LDLRAD4: variants seen among roughly 807,000 people sequenced by gnomAD.
LDLRAD4 encodes the protein low density lipoprotein receptor class A domain containing 4, also known as low-density lipoprotein receptor class A domain-containing protein 4.
LDLRAD4 carries 5 observed loss-of-function variants against 17.0 expected under a neutral mutation model. The ratio of observed to expected loss-of-function variants is 0.29; its 90% CI spans 0.15 to 0.62. The LOEUF (loss-of-function observed/expected upper bound fraction) is 0.62. Among genes scored for constraint, LDLRAD4 ranks in the 20% least tolerant of loss-of-function variants. The probability of loss-of-function intolerance (pLI) is 0.84; values close to 1 mark genes in which losing one functional copy is unlikely to be tolerated. For synonymous variants in LDLRAD4, 168 were observed against 171.8 expected, an observed-to-expected ratio of 0.98 and a Z score of 0.17; for missense variants, 340 against 424.7, an observed-to-expected ratio of 0.80 and a Z score of 1.75.
chr18:13,515,197 A>G (rs917229413), intron 3 of LDLRAD4: 4 of 152,220 alleles, frequency 2.6e-5, no homozygotes, highest in Middle Eastern at 3.2e-3. Context: ...CTTGTGCACA[A>G]CACTGGCGTG....
chr18:13,493,539 A>G (rs923480290), intron 3 of LDLRAD4, among the ~76,000 whole-genome samples: 1 of 152,202 alleles, frequency 6.6e-6, no homozygotes, highest in Non-Finnish European at 1.5e-5. Flanking sequence ...TGGTGTTGCT[A>G]AGGTTCTGAG....
At chr18:13,231,794 G>A (rs1010747769) in intron 1 of LDLRAD4, among the ~76,000 whole-genome samples, 1 of 152,202 alleles carries the variant, frequency 6.6e-6, no homozygotes, top group African/African-American at 2.4e-5. Context: ...TCAATGAAAT[G>A]TACATAGAAG....
chr18:13,295,173 A>G (rs903602393), intron 1 of LDLRAD4, among the ~76,000 whole-genome samples: 1 of 152,230 alleles, frequency 6.6e-6, no homozygotes, highest in Non-Finnish European at 1.5e-5. Context: ...GCATCTGGAC[A>G]TTGTAGAAAC....
At chr18:13,524,618 AC>A (rs901040489) in intron 3 of LDLRAD4, among the ~76,000 whole-genome samples, 3 of 152,158 alleles carry the variant, frequency 2.0e-5, no homozygotes, top group African/African-American at 7.2e-5. Flanking sequence ...TCAAACAATA[AC>A]CATTTATTAT....
chr18:13,619,363 C>A (rs189381346), intron 3 of LDLRAD4, among the ~76,000 whole-genome samples: 47 of 152,142 alleles, frequency 3.1e-4, no homozygotes, highest in South Asian at 8.3e-4. Flanking sequence ...AGAAATAAGG[C>A]CACTTTTCTA....
At position 13,300,438 on chromosome 18, in the gene LDLRAD4, C is replaced by CG. The variant is rs1430795048; in HGVS notation, c.-383+22254dup. Among the ~76,000 whole-genome samples, 1 of 152,202 alleles carries CG rather than the reference C, an allele frequency of 6.6e-6. No homozygotes were observed. Among genetic ancestry groups the CG allele is most frequent in the Non-Finnish European group, 1.5e-5 (1 of 68,032 alleles). ...TTTTTTCCCAAGGACATGACATTCG[C>CG]GGGGTCAGCCATGACTGCTGCCCCA... On this transcript the variant is annotated intron_variant, in intron 1 of 5. Coordinates refer to ENST00000359446, the Ensembl canonical transcript of LDLRAD4. The surrounding 1 kb of genome is among the most constrained non-coding windows in gnomAD (Gnocchi z 4.2).
At chr18:13,348,877 C>T (rs962612440) in intron 1 of LDLRAD4, among the ~76,000 whole-genome samples, 5 of 152,294 alleles carry the variant, frequency 3.3e-5, no homozygotes, top group East Asian at 1.9e-4. Flanking sequence ...GAGCCAGGCA[C>T]GGGATATAAT....
intron 1 of LDLRAD4, among the ~76,000 whole-genome samples, chr18:13,246,751 G>C (rs981530034): frequency 6.6e-6 from 1 of 152,156 alleles, no homozygotes; most frequent in African/African-American, 2.4e-5. Context: ...CTCCTGTTGC[G>C]ACATTTAGCA....
intron 1 of LDLRAD4, among the ~76,000 whole-genome samples, chr18:13,243,396 A>G (rs2042765660): frequency 6.6e-6 from 1 of 152,088 alleles, no homozygotes; most frequent in Non-Finnish European, 1.5e-5. Context: ...ATCAGCATCC[A>G]CCCATCCACC....
intron 1 of LDLRAD4, among the ~76,000 whole-genome samples, chr18:13,254,738 G>A (rs1438228631): frequency 1.3e-5 from 2 of 152,228 alleles, no homozygotes; most frequent in Admixed American, 1.3e-4. Flanking sequence ...TGAGGCAGGA[G>A]GATCATTTGA....
chr18:13,560,863 CTTGGAAGGGCTT>C (rs2094533200), intron 3 of LDLRAD4, among the ~76,000 whole-genome samples: 1 of 152,334 alleles, frequency 6.6e-6, no homozygotes, highest in South Asian at 2.1e-4. Flanking sequence ...TGAAATGACT[CTTGGAAGGGCTT>C]GCAGGTGACC....
chr18:13,448,785 G>A lies in LDLRAD4; in HGVS notation c.181+10401G>A, dbSNP rs73956412. On this transcript the variant is annotated intron_variant, in intron 3 of 5. Coordinates refer to ENST00000359446, the Ensembl canonical transcript of LDLRAD4. ...AAAAAATTATCCAAAAGGGTACTACGGTGAAACTTGGAAGGGACCATCTTT... is the reference window on the plus strand; with the variant it reads ...AAAAAATTATCCAAAAGGGTACTACAGTGAAACTTGGAAGGGACCATCTTT... 9.7e-3 allele frequency among the ~76,000 whole-genome samples: 1,471 copies of A among 152,214 alleles called. 23 individuals are homozygous for A. Among genetic ancestry groups the A allele is most frequent in the African/African-American group, 0.034 (1,407 of 41,546 alleles).
intron 1 of LDLRAD4, among the ~76,000 whole-genome samples, chr18:13,232,049 T>G (rs938074050): frequency 3.3e-5 from 5 of 152,190 alleles, no homozygotes; most frequent in Non-Finnish European, 7.3e-5. Flanking sequence ...CACTAAAAAC[T>G]GAATTCGAAG....
At chr18:13,229,365 C>T (rs1209673789) in intron 1 of LDLRAD4, among the ~76,000 whole-genome samples, 9 of 152,182 alleles carry the variant, frequency 5.9e-5, no homozygotes, top group Non-Finnish European at 7.3e-5. Context: ...GTTTGCCCAC[C>T]TTGTAGGTTT....
At chr18:13,443,037 C>T (rs2091136551) in intron 3 of LDLRAD4, among the ~76,000 whole-genome samples, 1 of 152,068 alleles carries the variant, frequency 6.6e-6, no homozygotes, top group African/African-American at 2.4e-5. Context: ...ATATAGAGAC[C>T]TCATCAAACT....
At chr18:13,455,873 C>A (rs1030494731) in intron 3 of LDLRAD4, among the ~76,000 whole-genome samples, 1 of 152,182 alleles carries the variant, frequency 6.6e-6, no homozygotes, top group African/African-American at 2.4e-5. Flanking sequence ...ATGAAGAAAG[C>A]AAACATTTAA....
intron 1 of LDLRAD4, among the ~76,000 whole-genome samples, chr18:13,323,931 T>C (rs2081377952): frequency 2.7e-4 from 3 of 10,986 alleles, no homozygotes; most frequent in Admixed American, 1.8e-3. Flanking sequence ...CCGGGTGTGG[T>C]GTCACTGCCT....
rs528353574 is a variant in LDLRAD4, at chr18:13,437,748, A to T, written c.41-496A>T. On this transcript the variant is annotated intron_variant, in intron 2 of 5. Transcript: ENST00000359446. The stretch of plus-strand genomic sequence containing the variant: ...CAGAGAGGTGAAATATGTTGTCCAG[A>T]TTCTCACCACAGGACAGTGGCAAGT... 1.9e-4 allele frequency among the ~76,000 whole-genome samples: 29 copies of T among 152,360 alleles called. No individual in the cohort carries two copies. In the South Asian group the frequency reaches 5.8e-3, roughly 30 times the overall value.
intron 2 of LDLRAD4, chr18:13,420,717 T>C (rs923805263): frequency 2.0e-5 from 3 of 152,264 alleles, no homozygotes; most frequent in Admixed American, 1.3e-4. Flanking sequence ...GTGCAGACCT[T>C]CCATGCATGG....
Sources: gnomAD v4.1 joint callset for allele counts (sites outside exome capture counted in the v4.1 genomes callset) on GRCh38, gnomAD v4.1.1 for gene constraint, Gnocchi (gnomAD v3.1) non-coding constraint, MANE v1.5 for transcripts, NCBI Gene and HGNC (gene_info 2026-07-23, HGNC 2026-07-21) for gene names.